PTPN3: variants seen among roughly 807,000 people sequenced by gnomAD.
PTPN3 encodes protein tyrosine phosphatase non-receptor type 3.
A neutral mutation model predicts 132.7 loss-of-function variants in PTPN3; 96 were observed. The ratio of observed to expected loss-of-function variants is 0.72; its 90% CI spans 0.61 to 0.86. PTPN3 has a LOEUF of 0.86. Among genes scored for constraint, PTPN3 ranks in the 40% least tolerant of loss-of-function variants. The probability of loss-of-function intolerance (pLI) is 0.00; values close to 1 mark genes in which losing one functional copy is unlikely to be tolerated. For synonymous variants in PTPN3, 398 were observed against 429.0 expected (o/e 0.93, Z 0.89); for missense variants, 1,125 against 1,159.6 (o/e 0.97, Z 0.43).
intron 24 of PTPN3, 103 bp downstream of exon 24, chr9:109,382,199 C>A: frequency 1.4e-6 from 2 of 1,388,710 alleles, no homozygotes; most frequent in South Asian, 2.7e-5. Flanking sequence ...TAAGGGCACA[C>A]GACTTTGTGG....
At chr9:109,479,955 G>A (rs1289413849) in intron 1 of PTPN3, among the ~76,000 whole-genome samples, 1 of 152,166 alleles carries the variant, frequency 6.6e-6, no homozygotes, top group Admixed American at 6.5e-5. Flanking sequence ...ATATAAGAGG[G>A]TTACTATTCC....
intron 1 of PTPN3, among the ~76,000 whole-genome samples, chr9:109,489,283 G>A (rs4978813): frequency 0.54 from 81,608 of 152,012 alleles, 22,529 homozygotes; most frequent in East Asian, 0.89. Flanking sequence ...ACAAAAGGCC[G>A]GTGTGGCAGG....
chr9:109,431,355 G>C (rs930861868), intron 10 of PTPN3, among the ~76,000 whole-genome samples: 8 of 152,234 alleles, frequency 5.3e-5, no homozygotes, highest in South Asian at 2.1e-4. Context: ...GTCACAGTTA[G>C]GCTGGACCCA....
chr9:109,392,213 G>A (rs1453890542), intron 19 of PTPN3, among the ~76,000 whole-genome samples: 1 of 152,076 alleles, frequency 6.6e-6, no homozygotes, highest in Non-Finnish European at 1.5e-5. Context: ...TTCTTATTTT[G>A]CAAGTTCAAT....
At chr9:109,474,191 TG>T (rs578223628) in intron 1 of PTPN3, among the ~76,000 whole-genome samples, 152 of 152,078 alleles carry the variant, frequency 1.0e-3, no homozygotes, top group Non-Finnish European at 1.9e-3. Context: ...TGCCAGCCCA[TG>T]GGGGGGTTTT....
chr9:109,438,153 T>G lies in PTPN3; in HGVS notation c.548A>C (p.Asp183Ala). The G allele has an allele frequency of 1.2e-6, 2 of 1,614,072 alleles. No homozygotes were observed. The highest frequency in any genetic ancestry group is 8.5e-7 in the Non-Finnish European group (1 of 1,179,954). The change falls in exon 8 of 26, where the codon GAC becomes GCC. Residue 183 changes from aspartate to alanine, a missense_variant. Transcript: ENST00000374541. ...CAGAGATTCGACTTTTGTTAAAAAGTCCTCATTTTGATCGGGTATAAAGTG... is the reference window on the plus strand; with the variant it reads ...CAGAGATTCGACTTTTGTTAAAAAGGCCTCATTTTGATCGGGTATAAAGTG... Reference protein sequence around the residue: ...DSHFIPDQNEDFLTKVESLHE... With the variant: ...DSHFIPDQNEAFLTKVESLHE...
chr9:109,388,686 C>T (rs1839803024), intron 22 of PTPN3, among the ~76,000 whole-genome samples: 1 of 152,174 alleles, frequency 6.6e-6, no homozygotes, highest in Admixed American at 6.5e-5. Context: ...GGGCAACCAA[C>T]CCTTAGGGTT....
intron 9 of PTPN3, among the ~76,000 whole-genome samples, chr9:109,436,096 A>C (rs965817041): frequency 6.6e-6 from 1 of 152,272 alleles, no homozygotes; most frequent in African/African-American, 2.4e-5. Flanking sequence ...TTATGGTCTC[A>C]TATGAAAGCA....
chr9:109,395,131 C>T (rs937800727), intron 19 of PTPN3, among the ~76,000 whole-genome samples: 11 of 145,846 alleles, frequency 7.5e-5, no homozygotes, highest in African/African-American at 2.5e-4. Flanking sequence ...CAGAGCGAGA[C>T]TCCATCTCAA....
chr9:109,413,243 C>T (rs1418924482), intron 14 of PTPN3, among the ~76,000 whole-genome samples: 2 of 152,074 alleles, frequency 1.3e-5, no homozygotes, highest in African/African-American at 2.4e-5. Flanking sequence ...CATGAGCCAC[C>T]GTGCCCGGCC....
chr9:109,481,491 C>T (rs149883515), intron 1 of PTPN3, among the ~76,000 whole-genome samples: 171 of 152,266 alleles, frequency 1.1e-3, no homozygotes, highest in Middle Eastern at 3.4e-3. Context: ...GGTGTTTGCA[C>T]GTGCTGTTCC....
In PTPN3 at chr9:109,429,161, A is replaced by T. The variant is rs534429206; in HGVS notation, c.765-477T>A. On this transcript the variant is annotated intron_variant, in intron 10 of 25. Coordinates refer to ENST00000374541, the MANE Select transcript of PTPN3 (RefSeq NM_002829.4). ...ATTAACTGAACATTTTTTAGATACTAGGCTGCTACTAAGAGCTTTATAAAC... is the reference window on the plus strand; with the variant it reads ...ATTAACTGAACATTTTTTAGATACTTGGCTGCTACTAAGAGCTTTATAAAC... 13 of 567,876 alleles carry T rather than the reference A, an allele frequency of 2.3e-5. No individual in the cohort carries two copies. In the South Asian group the frequency reaches 9.4e-4, roughly 41 times the overall value. The allele number at this position is 567,876 out of a possible 1,614,324, so 35.2% of individuals were successfully genotyped here.
chr9:109,486,177 C>A (rs558939292), intron 1 of PTPN3, among the ~76,000 whole-genome samples: 7 of 152,128 alleles, frequency 4.6e-5, no homozygotes, highest in Non-Finnish European at 8.8e-5. Flanking sequence ...AGTACAGGAC[C>A]CAGCCCAAAC....
intron 1 of PTPN3, among the ~76,000 whole-genome samples, chr9:109,471,172 T>C (rs1303734344): frequency 6.6e-6 from 1 of 151,974 alleles, no homozygotes; most frequent in African/African-American, 2.4e-5. Flanking sequence ...TTCTTGTGCC[T>C]CAGCCTCCCG....
the PTPN3 span, among the ~76,000 whole-genome samples, chr9:109,525,071 G>T: frequency 6.6e-6 from 1 of 150,828 alleles, no homozygotes; most frequent in Non-Finnish European, 1.5e-5. Flanking sequence ...TTTTTTACAG[G>T]GTATTACTTT....
the PTPN3 span, among the ~76,000 whole-genome samples, chr9:109,535,547 G>A: frequency 4.6e-4 from 70 of 150,738 alleles, no homozygotes; most frequent in African/African-American, 1.6e-3. Flanking sequence ...TCTCTCTGTC[G>A]CCCAGGCTGG....
Position 109,379,386 on chromosome 9 carries a change from G to C in PTPN3, c.*170C>G, listed in dbSNP as rs1328127049. 3.3e-6 allele frequency: 2 copies of C among 610,838 alleles called. No individual in the cohort carries two copies. The highest frequency in any genetic ancestry group is 1.9e-5 in the African/African-American group (1 of 53,964). The allele number at this position is 610,838 out of a possible 1,614,324, so 37.8% of individuals were successfully genotyped here. A position where few individuals can be genotyped will look rare whatever the true frequency, so the allele number is the denominator to read the frequency against. ...CATAATTGCATGCTTATCTACACCAGTTCCTATGTACACGATATCTTTTCT... is the reference window on the plus strand; with the variant it reads ...CATAATTGCATGCTTATCTACACCACTTCCTATGTACACGATATCTTTTCT... On this transcript the variant is annotated 3_prime_UTR_variant, in exon 26 of 26. Transcript: ENST00000374541.
the PTPN3 span, among the ~76,000 whole-genome samples, chr9:109,529,670 A>G: frequency 6.6e-6 from 1 of 152,182 alleles, no homozygotes; most frequent in African/African-American, 2.4e-5. Context: ...CACGTAATAT[A>G]AAGTTTACCA....
the PTPN3 span, among the ~76,000 whole-genome samples, chr9:109,511,119 A>G: frequency 6.6e-6 from 1 of 152,158 alleles, no homozygotes; most frequent in Non-Finnish European, 1.5e-5. Context: ...TTTTATGACT[A>G]TCCTATGGGA....
Sources: allele counts gnomAD v4.1 joint callset (sites outside exome capture counted in the v4.1 genomes callset), GRCh38; gene constraint gnomAD v4.1.1; transcripts MANE v1.5; gene names NCBI Gene and HGNC (gene_info 2026-07-23, HGNC 2026-07-21).